Variants in SLC6A11 observed in about 807,000 individuals in gnomAD.
The protein encoded by SLC6A11 is solute carrier family 6 member 11, also known as sodium- and chloride-dependent GABA transporter 3.
In SLC6A11, 25 loss-of-function variants were observed where a neutral mutation model predicts 74.8. That is an observed-to-expected ratio of 0.33 (90% confidence interval 0.24 to 0.47). SLC6A11 has a LOEUF of 0.47. SLC6A11 is among the 20% of genes least tolerant of loss of function. The pLI is 1.00. For missense variants in SLC6A11, 574 were observed against 837.0 expected, an observed-to-expected ratio of 0.69 and a Z score of 3.88; for synonymous variants, 330 against 330.2, an observed-to-expected ratio of 1.00 and a Z score of 0.01.
chr3:10,920,113 TC>T (rs1695516563), intron 8 of SLC6A11, among the ~76,000 whole-genome samples: 1 of 152,152 alleles, frequency 6.6e-6, no homozygotes, highest in South Asian at 2.1e-4. Flanking sequence ...ACCCTGAAAC[TC>T]CCTCGCAGTG....
intron 4 of SLC6A11, among the ~76,000 whole-genome samples, chr3:10,839,291 C>T (rs1021094190): frequency 2.6e-5 from 4 of 152,190 alleles, no homozygotes; most frequent in Non-Finnish European, 4.4e-5. Context: ...GCCAAACTTC[C>T]TGAAGGAGCC....
intron 8 of SLC6A11, among the ~76,000 whole-genome samples, chr3:10,921,453 T>C (rs1397261241): frequency 6.6e-6 from 1 of 152,076 alleles, no homozygotes; most frequent in Non-Finnish European, 1.5e-5. Flanking sequence ...TCCAATTGTT[T>C]AGAGAAAAAT....
intron 6 of SLC6A11, among the ~76,000 whole-genome samples, chr3:10,888,343 A>G (rs1695068766): frequency 6.6e-6 from 1 of 152,176 alleles, no homozygotes; most frequent in Non-Finnish European, 1.5e-5. Flanking sequence ...AGATTGGGGG[A>G]AAATGAGGCT....
intron 5 of SLC6A11, among the ~76,000 whole-genome samples, chr3:10,858,198 G>T (rs1213066525): frequency 6.6e-6 from 1 of 152,212 alleles, no homozygotes; most frequent in Non-Finnish European, 1.5e-5. Context: ...GATGAACAAT[G>T]CTTGGTAAAG....
In SLC6A11 at chr3:10,816,947, C is replaced by T. The variant is rs996046696; in HGVS notation, c.256+426C>T. Among the ~76,000 whole-genome samples, 3 of 152,238 alleles carry T rather than the reference C, an allele frequency of 2.0e-5. No homozygotes were observed. Among genetic ancestry groups the T allele is most frequent in the African/African-American group, 7.2e-5 (3 of 41,466 alleles). On this transcript the variant is annotated intron_variant, in intron 1 of 13. Transcript: ENST00000254488. This position sits in a 1 kb window ranked among gnomAD's most constrained non-coding sequence, Gnocchi z 4.2. ...TTTGCGCGCTTACTGAAGTGCCGAG[C>T]ACCTTTGACCATATCATCTCATCTC...
At chr3:10,881,179 G>T (rs1451876238) in intron 6 of SLC6A11, among the ~76,000 whole-genome samples, 6 of 152,172 alleles carry the variant, frequency 3.9e-5, no homozygotes, top group Non-Finnish European at 8.8e-5. Flanking sequence ...ACTTTGGGAG[G>T]CTGAGGCAGG....
chr3:10,850,635 G>A (rs148434217), intron 5 of SLC6A11, among the ~76,000 whole-genome samples: 26 of 152,302 alleles, frequency 1.7e-4, no homozygotes, highest in South Asian at 1.7e-3. Context: ...AAGTGGGAAG[G>A]ACTTGGTGAA....
intron 6 of SLC6A11, among the ~76,000 whole-genome samples, chr3:10,887,490 G>A (rs1695058721): frequency 6.6e-6 from 1 of 152,226 alleles, no homozygotes; most frequent in Admixed American, 6.5e-5. Context: ...CTGTCACCCA[G>A]GCTGGAGTAC....
In SLC6A11 at chr3:10,825,926, G is replaced by A. The variant is rs572041102; in HGVS notation, c.623+2534G>A. Among the ~76,000 whole-genome samples, 4 of 152,268 alleles carry A rather than the reference G, an allele frequency of 2.6e-5. No individual in the cohort carries two copies. The East Asian group carries it at 7.7e-4, about 29-fold the overall frequency. ...CCCATACCACACCTATAGTTTTACT[G>A]TAAGCCTTGAGCCTGTAAGGCAAGT... is the stretch of plus-strand genomic sequence containing the variant. On this transcript the variant is annotated intron_variant, in intron 4 of 13. Coordinates refer to ENST00000254488, the MANE Select transcript of SLC6A11 (RefSeq NM_014229.3).
At chr3:10,863,091 C>A (rs1270230731) in intron 5 of SLC6A11, among the ~76,000 whole-genome samples, 1 of 152,202 alleles carries the variant, frequency 6.6e-6, no homozygotes, top group Non-Finnish European at 1.5e-5. Flanking sequence ...TATTCATGCA[C>A]CAACTATTTG....
intron 6 of SLC6A11, among the ~76,000 whole-genome samples, chr3:10,901,588 T>C (rs1223395149): frequency 6.6e-6 from 1 of 152,220 alleles, no homozygotes; most frequent in Non-Finnish European, 1.5e-5. Context: ...CCTCAGCCCC[T>C]TCCCACCACT....
rs1695775313 is a variant in SLC6A11 at position 10,937,763 on chromosome 3, C to CTTCT, written c.1747-487_1747-486insTTCT. On this transcript the variant is annotated intron_variant, in intron 13 of 13. Coordinates refer to ENST00000254488, the MANE Select transcript of SLC6A11 (RefSeq NM_014229.3). ...CTACCTTTGAGCACAGCTGGAGGAA[C>CTTCT]ACCCAACACACACTACACCTTCCCC... 2.0e-5 allele frequency among the ~76,000 whole-genome samples: 3 copies of CTTCT among 152,198 alleles called. No individual in the cohort carries two copies. In the South Asian group the frequency reaches 6.2e-4, roughly 31 times the overall value.
chr3:10,855,891 G>A (rs1361644950), intron 5 of SLC6A11, among the ~76,000 whole-genome samples: 2 of 152,124 alleles, frequency 1.3e-5, no homozygotes, highest in Non-Finnish European at 2.9e-5. Context: ...TCCTCTCTTC[G>A]GTTTTCCTTC....
Position 10,819,451 on chromosome 3 carries a change from T to C in SLC6A11, c.257-14T>C. 1 of 1,602,368 alleles carries C rather than the reference T, an allele frequency of 6.2e-7. No individual in the cohort carries two copies. Among genetic ancestry groups the C allele is most frequent in the Non-Finnish European group, 8.5e-7 (1 of 1,176,808 alleles). ...CAGGGACAGTTTTCATTTCATTCCT[T>C]TGCATCCTTACAGGGGCATTCCTGA... is the stretch of plus-strand genomic sequence containing the variant. On this transcript the variant is annotated splice_polypyrimidine_tract_variant and intron_variant, in intron 1 of 13. Transcript: ENST00000254488.
chr3:10,931,819 G>A (rs1424666510), intron 10 of SLC6A11, among the ~76,000 whole-genome samples: 1 of 152,168 alleles, frequency 6.6e-6, no homozygotes, highest in Non-Finnish European at 1.5e-5. Context: ...TGTGGGCATT[G>A]AGATGTTTCT....
At chr3:10,886,109 A>G (rs1320349172) in intron 6 of SLC6A11, among the ~76,000 whole-genome samples, 5 of 152,222 alleles carry the variant, frequency 3.3e-5, no homozygotes. Context: ...AGGGGTTCCC[A>G]TCTCTCAGGA....
At chr3:10,932,640 T>C (rs114099476) in intron 10 of SLC6A11, among the ~76,000 whole-genome samples, 1,920 of 152,060 alleles carry the variant, frequency 0.013, 28 homozygotes, top group East Asian at 0.07. Context: ...GGAGGGACTG[T>C]GGGAAGGGAG....
intron 6 of SLC6A11, among the ~76,000 whole-genome samples, chr3:10,883,427 G>C (rs934289709): frequency 1.3e-5 from 2 of 152,118 alleles, no homozygotes; most frequent in Non-Finnish European, 2.9e-5. Flanking sequence ...GAACAGAAAG[G>C]CCTGTCACAG....
At chr3:10,841,211 T>G (rs1694432952) in intron 4 of SLC6A11, among the ~76,000 whole-genome samples, 1 of 152,224 alleles carries the variant, frequency 6.6e-6, no homozygotes, top group South Asian at 2.1e-4. Flanking sequence ...GAGGTCTGTC[T>G]CTGGGTCTTT....
Sources: gnomAD v4.1 joint callset for allele counts (sites outside exome capture counted in the v4.1 genomes callset) on GRCh38, gnomAD v4.1.1 for gene constraint, Gnocchi (gnomAD v3.1) non-coding constraint, MANE v1.5 for transcripts, NCBI Gene and HGNC (gene_info 2026-07-23, HGNC 2026-07-21) for gene names.